The following SNX29 variants were observed in gnomAD, a reference collection of about 807,000 sequenced individuals.
SNX29 encodes sorting nexin-29.
A neutral mutation model predicts 102.1 loss-of-function variants in SNX29; 78 were observed. The observed-to-expected ratio is 0.76, with a 90% CI of 0.64 to 0.92. The LOEUF is 0.92. Among genes scored for constraint, SNX29 ranks in the 40% least tolerant of loss-of-function variants. SNX29 has a pLI of 0.00. For synonymous variants in SNX29, 580 were observed against 414.5 expected, an observed-to-expected ratio of 1.40 and a Z score of -4.85; for missense variants, 1,280 against 1,061.7, an observed-to-expected ratio of 1.21 and a Z score of -2.86.
At position 12,557,023 on chromosome 16, in the gene SNX29, C is replaced by G. The variant is rs796647341; in HGVS notation, c.2319-11483C>G. ...CCACATCTGGCTAATTTACCCCCCC[C>G]CCGCCCCAAGATGAGGTCTTGCTAT... On this transcript the variant is annotated intron_variant, in intron 20 of 20. Transcript: ENST00000566228. Among the ~76,000 whole-genome samples the G allele has an allele frequency of 3.3e-5, 4 of 120,908 alleles. 1 individual carries two copies. The highest frequency in any genetic ancestry group is 3.3e-4 in the South Asian group (1 of 3,044). The allele number at this position is 120,908 out of a possible 152,430, so 79.3% of individuals were successfully genotyped here. A position where few individuals can be genotyped will look rare whatever the true frequency, so the allele number is the denominator to read the frequency against.
intron 3 of SNX29, among the ~76,000 whole-genome samples, chr16:12,010,852 C>A (rs1280137618): frequency 6.6e-6 from 1 of 151,826 alleles, no homozygotes; most frequent in Non-Finnish European, 1.5e-5. Context: ...TGATGTTATT[C>A]TTAATGCAGT....
At chr16:12,115,058 C>T (rs1217459562) in intron 11 of SNX29, among the ~76,000 whole-genome samples, 2 of 152,166 alleles carry the variant, frequency 1.3e-5, no homozygotes, top group Non-Finnish European at 2.9e-5. Flanking sequence ...CCACCAGTTC[C>T]ATCAAATAAG....
At chr16:12,518,041 G>T (rs1387638343) in intron 19 of SNX29, among the ~76,000 whole-genome samples, 2 of 152,206 alleles carry the variant, frequency 1.3e-5, no homozygotes, top group African/African-American at 4.8e-5. Context: ...AGGTTAGCAA[G>T]GCGTGCTGCG....
rs115601433 is a variant in SNX29, at chr16:12,275,484, A to C, written c.1679-2449A>C. Among the ~76,000 whole-genome samples, 393 of 152,332 alleles carry C rather than the reference A, an allele frequency of 2.6e-3. 2 individuals carry two copies. The highest frequency in any genetic ancestry group is 8.6e-3 in the African/African-American group (359 of 41,576). On this transcript the variant is annotated intron_variant, in intron 14 of 20. Coordinates refer to ENST00000566228, the MANE Select transcript of SNX29 (RefSeq NM_032167.5). ...TTTTAAAACCTTTCTTTTGCTTTCT[A>C]GTCCTGTGTTCACCGTCATTTCCAG... is the stretch of plus-strand genomic sequence containing the variant.
chr16:12,135,513 A>T, intron 13 of SNX29: 2 of 1,318,018 alleles, frequency 1.5e-6, no homozygotes, highest in Non-Finnish European at 2.0e-6. Flanking sequence ...TCTTGAGAGG[A>T]TGGTGCCAGC....
At chr16:12,295,188 C>G (rs978816818) in intron 15 of SNX29, among the ~76,000 whole-genome samples, 1 of 152,218 alleles carries the variant, frequency 6.6e-6, no homozygotes, top group Non-Finnish European at 1.5e-5. Flanking sequence ...CGGGGCACAC[C>G]TAAACCATAT....
intron 18 of SNX29, among the ~76,000 whole-genome samples, chr16:12,451,982 A>G (rs553807338): frequency 8.5e-5 from 13 of 152,318 alleles, no homozygotes; most frequent in African/African-American, 2.9e-4. Flanking sequence ...CTTGAGCCAT[A>G]TGGTTCTTCT....
At chr16:12,358,246 A>T (rs1271558266) in intron 16 of SNX29, among the ~76,000 whole-genome samples, 1 of 152,118 alleles carries the variant, frequency 6.6e-6, no homozygotes, top group Non-Finnish European at 1.5e-5. Flanking sequence ...CCCTGCTGTG[A>T]TATTTTATAT....
chr16:12,211,972 C>T (rs529467757), intron 14 of SNX29, among the ~76,000 whole-genome samples: 11 of 152,158 alleles, frequency 7.2e-5, no homozygotes, highest in Admixed American at 6.5e-5. Flanking sequence ...TTACAGTCAT[C>T]CACCTAGAAA....
At chr16:12,555,740 C>G (rs1229941100) in intron 20 of SNX29, among the ~76,000 whole-genome samples, 1 of 152,018 alleles carries the variant, frequency 6.6e-6, no homozygotes, top group Non-Finnish European at 1.5e-5. Context: ...TTCCTTCCAC[C>G]TCCCCACAAC....
chr16:12,009,322 GCACCGTATTTTGC>G (rs1280048625), intron 3 of SNX29, among the ~76,000 whole-genome samples: 1 of 152,028 alleles, frequency 6.6e-6, no homozygotes, highest in Non-Finnish European at 1.5e-5. Context: ...CCTAAATGGT[GCACCGTATTTTGC>G]CAAAATACAA....
rs749450375 is a variant in SNX29 at position 12,572,142 on chromosome 16, GCTT to G, written c.*3514_*3516del. Reference sequence around the variant, plus strand: ...CCTTGGCCCTGCTTCATACTTTGGAGCTTATTAAGATCAATTTTGATAACCATG... The same window carrying G: ...CCTTGGCCCTGCTTCATACTTTGGAGATTAAGATCAATTTTGATAACCATG... On this transcript the variant is annotated 3_prime_UTR_variant, in exon 21 of 21. Coordinates refer to ENST00000566228, the MANE Select transcript of SNX29 (RefSeq NM_032167.5). 2.9e-5 allele frequency: 29 copies of G among 1,003,690 alleles called. No homozygotes were observed. Among genetic ancestry groups the G allele is most frequent in the Admixed American group, 5.4e-5 (1 of 18,580 alleles). The allele number at this position is 1,003,690 out of a possible 1,614,324, so 62.2% of individuals were successfully genotyped here.
intron 19 of SNX29, among the ~76,000 whole-genome samples, chr16:12,496,614 A>G (rs549738837): frequency 6.0e-5 from 9 of 150,646 alleles, no homozygotes; most frequent in Admixed American, 5.3e-4. Context: ...GGGTTCAAAC[A>G]GTTCTCCTGC....
At chr16:12,280,383 G>C (rs1258668755) in intron 15 of SNX29, among the ~76,000 whole-genome samples, 1 of 152,214 alleles carries the variant, frequency 6.6e-6, no homozygotes, top group African/African-American at 2.4e-5. Flanking sequence ...ATCAGGTCAT[G>C]TGGGGAGTTA....
At chr16:12,241,382 C>G (rs1038972099) in intron 14 of SNX29, among the ~76,000 whole-genome samples, 2 of 151,894 alleles carry the variant, frequency 1.3e-5, no homozygotes, top group Non-Finnish European at 2.9e-5. Flanking sequence ...CTTGATCAGA[C>G]AATGGCATGA....
chr16:12,273,071 T>A (rs1369989732), intron 14 of SNX29, among the ~76,000 whole-genome samples: 5 of 152,130 alleles, frequency 3.3e-5, no homozygotes, highest in African/African-American at 9.7e-5. Context: ...ATCTCTTGAT[T>A]TCTCTGGTGT....
At chr16:12,540,242 C>T (rs898092029) in intron 20 of SNX29, among the ~76,000 whole-genome samples, 1 of 152,094 alleles carries the variant, frequency 6.6e-6, no homozygotes, top group Non-Finnish European at 1.5e-5. Context: ...TGACCCGCTC[C>T]CCCCACCCCC....
intron 20 of SNX29, among the ~76,000 whole-genome samples, chr16:12,564,843 G>A (rs958539322): frequency 6.6e-6 from 1 of 151,114 alleles, no homozygotes; most frequent in African/African-American, 2.4e-5. Flanking sequence ...GAAGTCGGCA[G>A]CTAACAAGGG....
intron 13 of SNX29, among the ~76,000 whole-genome samples, chr16:12,190,745 C>T (rs939536351): frequency 3.3e-5 from 5 of 152,086 alleles, no homozygotes; most frequent in African/African-American, 9.7e-5. Flanking sequence ...GCTCTGGGAG[C>T]CCTGACAGCT....
Sources: allele counts gnomAD v4.1 joint callset (sites outside exome capture counted in the v4.1 genomes callset), GRCh38; gene constraint gnomAD v4.1.1; transcripts MANE v1.5; gene names NCBI Gene and HGNC (gene_info 2026-07-23, HGNC 2026-07-21).